The following CRAT variants were observed in gnomAD, a reference collection of about 807,000 sequenced individuals.
CRAT encodes the protein carnitine O-acetyltransferase.
Under a neutral mutation model 73.7 loss-of-function variants are expected in CRAT, and 66 were observed. That is an observed-to-expected ratio of 0.90 (90% CI 0.73 to 1.10). CRAT has a LOEUF of 1.10. CRAT is among the 50% of genes least tolerant of loss of function. The pLI is 0.00. For missense variants in CRAT, 745 were observed against 846.9 expected, an observed-to-expected ratio of 0.88 and a Z score of 1.49; for synonymous variants, 321 against 343.2, an observed-to-expected ratio of 0.94 and a Z score of 0.71.
Position 129,100,559 on chromosome 9 carries a change from G to A in CRAT, c.936C>T (p.Gly312=), listed in dbSNP as rs372666934. 3.4e-5 allele frequency: 55 copies of A among 1,613,674 alleles called. No homozygotes were observed. The Middle Eastern group carries it at 9.9e-4, about 29-fold the overall frequency. ...SHVAGQMLHG[G]GSRLNSGNRW... ...GGTTGCCGCTGTTGAGCCTGCTGCC[G>A]CCCCCATGCAGCATCTGGCCTGCCA... Residue 312 remains glycine, a synonymous_variant, in exon 7 of 14, where the codon GGC becomes GGT. Transcript: ENST00000318080.
Position 129,098,622 on chromosome 9 carries a change from G to T in CRAT, c.1114C>A (p.Leu372Met), listed in dbSNP as rs3118635. 1,601,386 of 1,602,492 alleles carry T rather than the reference G, an allele frequency of 1. 800,151 individuals are homozygous for T. The highest frequency in any genetic ancestry group is 1 in the East Asian group (44,724 of 44,724). Residue 372 changes from leucine (L) to methionine (M), a missense_variant, in exon 9 of 14, where the codon CTG becomes ATG. Physicochemically the swap from Leu to Met is conservative, Grantham distance 15 (BLOSUM62 2). Coordinates refer to ENST00000318080, the MANE Select transcript of CRAT (RefSeq NM_000755.5). ...TKKPELVRSPLVPLPMPKKLR... is the reference protein window; with the variant it reads ...TKKPELVRSPMVPLPMPKKLR... Reference sequence around the variant, plus strand: ...TTCTTGGGCATGGGCAGGGGCACCAGGGGAGACCGCACAAGCTCGGGTTTC... The same window carrying T: ...TTCTTGGGCATGGGCAGGGGCACCATGGGAGACCGCACAAGCTCGGGTTTC...
In CRAT at chr9:129,106,252, G is replaced by A. The variant is rs909847350; in HGVS notation, c.291+1562C>T. 1.3e-4 allele frequency among the ~76,000 whole-genome samples: 20 copies of A among 152,290 alleles called. No individual in the cohort carries two copies. Among genetic ancestry groups the A allele is most frequent in the Non-Finnish European group, 2.2e-4 (15 of 68,018 alleles). ...GTCAGTCAGACCTTCCTGTGTGGCC[G>A]AGGGCTTCCTTGAGAGCTGCTGTGT... On this transcript the variant is annotated intron_variant, in intron 2 of 13. Transcript: ENST00000318080. The surrounding 1 kb of genome is among the most constrained non-coding windows in gnomAD (Gnocchi z 4.0).
intron 6 of CRAT, 120 bp downstream of exon 6, chr9:129,101,763 G>A: frequency 7.9e-7 from 1 of 1,265,292 alleles, no homozygotes; most frequent in Non-Finnish European, 1.1e-6. Flanking sequence ...CTCTTAACCT[G>A]TCTCTTCTCA....
rs998045347 is a variant in CRAT, at chr9:129,106,497, C to T, written c.291+1317G>A. Among the ~76,000 whole-genome samples the T allele has an allele frequency of 5.9e-5, 9 of 152,150 alleles. No individual in the cohort carries two copies. The highest frequency in any genetic ancestry group is 1.2e-4 in the African/African-American group (5 of 41,444). On this transcript the variant is annotated intron_variant, in intron 2 of 13. Coordinates refer to ENST00000318080, the MANE Select transcript of CRAT (RefSeq NM_000755.5). The surrounding 1 kb of genome is among the most constrained non-coding windows in gnomAD (Gnocchi z 4.0). Reference sequence around the variant, plus strand: ...CTGCCAGGTGGTGGCGGAGACCCTTCGGTGGCCCCGTGAGTGGAAGGAGGG... The same window carrying T: ...CTGCCAGGTGGTGGCGGAGACCCTTTGGTGGCCCCGTGAGTGGAAGGAGGG...
In CRAT at chr9:129,095,526, G is replaced by A; in HGVS notation, c.1752C>T (p.His584=). The A allele has an allele frequency of 6.2e-7, 1 of 1,613,570 alleles. No homozygotes were observed. The highest frequency in any genetic ancestry group is 8.5e-7 in the Non-Finnish European group (1 of 1,180,008). The change falls in exon 14 of 14, where the codon CAC becomes CAT. Residue 584 remains histidine, a synonymous_variant. Coordinates refer to ENST00000318080, the MANE Select transcript of CRAT (RefSeq NM_000755.5). The stretch of plus-strand genomic sequence containing the variant: ...TGTAGGCCGACAGGGAGAAGTTGAT[G>A]TGGGCCTCCATGGGGTTATAGCAGA... ...YGVCYNPMEA[H]INFSLSAYNS...
rs1847407740 is a variant in CRAT, at chr9:129,098,156, G to A, written c.1329-8C>T. 2 of 1,613,692 alleles carry A rather than the reference G, an allele frequency of 1.2e-6. No homozygotes were observed. The highest frequency in any genetic ancestry group is 1.7e-6 in the Non-Finnish European group (2 of 1,180,020). On this transcript the variant is annotated splice_polypyrimidine_tract_variant and splice_region_variant and intron_variant, in intron 10 of 13. Coordinates refer to ENST00000318080, the MANE Select transcript of CRAT (RefSeq NM_000755.5). ...CATGCCTGTCCGTAGATCCTGGTGG[G>A]AAATGGGGCTAAGCACGCCCCTTGG...
intron 11 of CRAT, 137 bp downstream of exon 11, chr9:129,097,876 G>T: frequency 1.6e-6 from 2 of 1,274,526 alleles, no homozygotes; most frequent in Non-Finnish European, 1.1e-6. Flanking sequence ...TAGATTCACG[G>T]CTCCAGCTTC....
At chr9:129,105,341 G>A (rs1490573019) in intron 2 of CRAT, among the ~76,000 whole-genome samples, 1 of 151,194 alleles carries the variant, frequency 6.6e-6, no homozygotes, top group Non-Finnish European at 1.5e-5. Flanking sequence ...CTTTTTTTTT[G>A]AGACAGGGTC....
Position 129,109,106 on chromosome 9 carries a change from G to A in CRAT, c.28-1029C>T, listed in dbSNP as rs1383264563. The A allele has an allele frequency of 2.3e-6, 3 of 1,298,322 alleles. No individual in the cohort carries two copies. In the Admixed American group the frequency reaches 7.0e-5, roughly 30 times the overall value. 80.4% of individuals were successfully genotyped at this position (1,298,322 alleles called of 1,614,324 possible). A position where few individuals can be genotyped will look rare whatever the true frequency, so the allele number is the denominator to read the frequency against. ...GGGCATTCCAGTAGAAGGGAACCTGGAAAGTTCTTTCCTTTCTTCTCTGCA... is the reference window on the plus strand; with the variant it reads ...GGGCATTCCAGTAGAAGGGAACCTGAAAAGTTCTTTCCTTTCTTCTCTGCA... On this transcript the variant is annotated intron_variant, in intron 1 of 13. Coordinates refer to ENST00000318080, the MANE Select transcript of CRAT (RefSeq NM_000755.5).
In CRAT at chr9:129,102,540, C is replaced by T. The variant is rs765377737; in HGVS notation, c.490G>A (p.Gly164Arg). The T allele has an allele frequency of 9.3e-6, 15 of 1,613,978 alleles. No homozygotes were observed. In the Admixed American group the frequency reaches 2.0e-4, roughly 22 times the overall value. Residue 164 changes from glycine (G) to arginine (R), a missense_variant, in exon 5 of 14, where the codon GGG becomes AGG. By Grantham distance (125) the Gly-to-Arg change is moderately radical (BLOSUM62 -2). Transcript: ENST00000318080. ...TGGTTCATGCACAGTGGCTTCCCCC[C>T]CAGGTACTCCACGGGCAGGGTCTCG... ...DNETLPVEYL[G>R]GKPLCMNQYY...
chr9:129,098,438 T>C, intron 9 of CRAT, 67 bp from the exon 10 acceptor site: 1 of 1,599,626 alleles, frequency 6.3e-7, no homozygotes. Flanking sequence ...ACGGAGGGTC[T>C]GGGTGTCATG....
At chr9:129,096,236 C>T in intron 12 of CRAT, 101 bp from the exon 13 acceptor site, 5 of 1,422,634 alleles carry the variant, frequency 3.5e-6, no homozygotes, top group Middle Eastern at 2.5e-4. Flanking sequence ...AGGCACTGGC[C>T]ACTCAAAACC....
intron 12 of CRAT, 117 bp from the exon 13 acceptor site, chr9:129,096,252 AC>A: frequency 7.6e-7 from 1 of 1,311,864 alleles, no homozygotes; most frequent in Non-Finnish European, 1.1e-6. Context: ...AAACCACAAG[AC>A]CAGAGTATTC....
rs1431640875 is a variant in CRAT at position 129,102,997 on chromosome 9, G to C, written c.464+16C>G. On this transcript the variant is annotated intron_variant, in intron 4 of 13. Coordinates refer to ENST00000318080, the MANE Select transcript of CRAT (RefSeq NM_000755.5). The stretch of plus-strand genomic sequence containing the variant: ...CCTGGGCAGGTGTGGGGCTGGGCAG[G>C]GGTGGGGATGCTCACTTGTCAATCA... 1.2e-5 allele frequency: 19 copies of C among 1,610,992 alleles called. No individual in the cohort carries two copies. The highest frequency in any genetic ancestry group is 1.6e-5 in the Non-Finnish European group (19 of 1,177,886).
chr9:129,095,156 G>A lies in CRAT; in HGVS notation c.*241C>T, dbSNP rs1004864086. On this transcript the variant is annotated 3_prime_UTR_variant, in exon 14 of 14. Coordinates refer to ENST00000318080, the MANE Select transcript of CRAT (RefSeq NM_000755.5). ...GACGTGCCAGGGGCCCGGGCCTAAC[G>A]TCCTGCTCAGCCTCTGCACTCAGCC... 70 of 572,980 alleles carry A rather than the reference G, an allele frequency of 1.2e-4. No individual in the cohort carries two copies. Among genetic ancestry groups the A allele is most frequent in the African/African-American group, 1.2e-3 (62 of 53,336 alleles). The allele number at this position is 572,980 out of a possible 1,614,324, so 35.5% of individuals were successfully genotyped here.
At chr9:129,104,581 G>C (rs917806416) in intron 2 of CRAT, among the ~76,000 whole-genome samples, 7 of 149,274 alleles carry the variant, frequency 4.7e-5, no homozygotes, top group Admixed American at 2.1e-4. Context: ...CCCGGGGTGT[G>C]GGGAGGGGCA....
In CRAT at chr9:129,098,612, A is replaced by T; in HGVS notation, c.1124T>A (p.Leu375Gln). 6.2e-7 allele frequency: 1 copy of T among 1,600,312 alleles called. No homozygotes were observed. Among genetic ancestry groups the T allele is most frequent in the Non-Finnish European group, 8.5e-7 (1 of 1,176,466 alleles). The change falls in exon 9 of 14, where the codon CTG becomes CAG. Residue 375 changes from leucine to glutamine, a missense_variant. Coordinates refer to ENST00000318080, the MANE Select transcript of CRAT (RefSeq NM_000755.5). Reference protein sequence around the residue: ...PELVRSPLVPLPMPKKLRFNI... With the variant: ...PELVRSPLVPQPMPKKLRFNI... ...GAACCGCAGCTTCTTGGGCATGGGCAGGGGCACCAGGGGAGACCGCACAAG... is the reference window on the plus strand; with the variant it reads ...GAACCGCAGCTTCTTGGGCATGGGCTGGGGCACCAGGGGAGACCGCACAAG...
intron 2 of CRAT, among the ~76,000 whole-genome samples, chr9:129,105,072 T>C (rs1468295341): frequency 6.7e-6 from 1 of 149,928 alleles, no homozygotes; most frequent in Non-Finnish European, 1.5e-5. Flanking sequence ...GGCTAATTTT[T>C]TTTTTTGTAG....
chr9:129,095,306 A>G lies in CRAT; in HGVS notation c.*91T>C, dbSNP rs112134266. 2 of 1,365,568 alleles carry G rather than the reference A, an allele frequency of 1.5e-6. No individual in the cohort carries two copies. The highest frequency in any genetic ancestry group is 1.4e-5 in the African/African-American group (1 of 70,244). 84.6% of individuals were successfully genotyped at this position (1,365,568 alleles called of 1,614,324 possible). On this transcript the variant is annotated 3_prime_UTR_variant, in exon 14 of 14. Coordinates refer to ENST00000318080, the MANE Select transcript of CRAT (RefSeq NM_000755.5). ...GGGGGGACCAGGGAAGAGGGAACCA[A>G]GGAAGAGGGAACCAAGGAGCTGAGC...
Sources: allele counts gnomAD v4.1 joint callset (sites outside exome capture counted in the v4.1 genomes callset), GRCh38; gene constraint gnomAD v4.1.1; non-coding constraint Gnocchi (gnomAD v3.1); transcripts MANE v1.5; gene names NCBI Gene and HGNC (gene_info 2026-07-23, HGNC 2026-07-21).